The following OPCML variants were observed in gnomAD, a reference collection of about 807,000 sequenced individuals.
OPCML encodes the protein opioid-binding protein/cell adhesion molecule.
In OPCML, 13 loss-of-function variants were observed where a neutral mutation model predicts 37.8. The ratio of observed to expected loss-of-function variants is 0.34; its 90% CI spans 0.22 to 0.55. The LOEUF is 0.55. OPCML is among the 20% of genes least tolerant of loss of function. The pLI is 0.91. For synonymous variants in OPCML, 176 were observed against 168.8 expected, an observed-to-expected ratio of 1.04 and a Z score of -0.33; for missense variants, 341 against 435.6, an observed-to-expected ratio of 0.78 and a Z score of 1.93.
At chr11:133,184,065 A>G (rs2136290117) in intron 1 of OPCML, among the ~76,000 whole-genome samples, 1 of 152,292 alleles carries the variant, frequency 6.6e-6, no homozygotes, top group South Asian at 2.1e-4. Context: ...AAGGGGAGGA[A>G]GTAGGGACTC....
At chr11:133,440,225 C>T (rs912122798) in intron 1 of OPCML, among the ~76,000 whole-genome samples, 6 of 151,348 alleles carry the variant, frequency 4.0e-5, no homozygotes, top group Admixed American at 3.9e-4. Flanking sequence ...GGCGAAACCC[C>T]ATCTCTAGTT....
intron 1 of OPCML, among the ~76,000 whole-genome samples, chr11:133,478,295 T>C (rs538799673): frequency 6.6e-6 from 1 of 152,240 alleles, no homozygotes; most frequent in East Asian, 1.9e-4. Context: ...CCCCTGCCTC[T>C]CCCTCCAGCA....
At chr11:133,419,111 A>C (rs1592280841) in intron 1 of OPCML, 1 of 392,714 alleles carries the variant, frequency 2.5e-6, no homozygotes, top group South Asian at 1.1e-4. Flanking sequence ...TTGAGTAATA[A>C]CTCTACCTGC....
rs141224513 is a variant in OPCML, at chr11:132,612,006, T to A, written c.379+45081A>T. On this transcript the variant is annotated intron_variant, in intron 3 of 7. Coordinates refer to ENST00000524381, the MANE Select transcript of OPCML (RefSeq NM_001012393.5). ...AGCCAGAGAAGGGTTCTGACCTTGG[T>A]GTTTGATTATATATGCTGCCAGAAA... 2.6e-5 allele frequency among the ~76,000 whole-genome samples: 4 copies of A among 152,302 alleles called. No homozygotes were observed. In the East Asian group the frequency reaches 7.7e-4, roughly 29 times the overall value.
chr11:132,963,041 T>C (rs545529673), intron 1 of OPCML, among the ~76,000 whole-genome samples: 18 of 152,260 alleles, frequency 1.2e-4, no homozygotes, highest in Admixed American at 7.8e-4. Flanking sequence ...TGACCACCCC[T>C]GGGCTCCAAC....
chr11:132,716,392 AT>A (rs1944481069), intron 2 of OPCML, among the ~76,000 whole-genome samples: 1 of 47,038 alleles, frequency 2.1e-5, no homozygotes, highest in East Asian at 2.8e-3. Context: ...CTGTCTATTT[AT>A]CTATCTATCT....
chr11:133,172,411 G>C (rs569350243), intron 1 of OPCML, among the ~76,000 whole-genome samples: 3 of 152,330 alleles, frequency 2.0e-5, no homozygotes, highest in Admixed American at 2.0e-4. Flanking sequence ...ACTCCTACCT[G>C]AGACCTGAAG....
chr11:133,490,093 C>A (rs76946697), intron 1 of OPCML, among the ~76,000 whole-genome samples: 5,516 of 152,210 alleles, frequency 0.036, 146 homozygotes, highest in South Asian at 0.11. Context: ...AGGATATATA[C>A]CCTAAAATCA....
At chr11:133,236,123 A>G (rs1458146398) in intron 1 of OPCML, among the ~76,000 whole-genome samples, 1 of 152,208 alleles carries the variant, frequency 6.6e-6, no homozygotes, top group Non-Finnish European at 1.5e-5. Flanking sequence ...ACCATATGAC[A>G]GCATCACTAC....
At chr11:132,922,666 T>A (rs1263277513) in intron 2 of OPCML, among the ~76,000 whole-genome samples, 2 of 152,158 alleles carry the variant, frequency 1.3e-5, no homozygotes, top group Admixed American at 1.3e-4. Context: ...AGTGGAGTTT[T>A]TGGTACATTT....
At chr11:133,458,153 A>AAT (rs35359072) in intron 1 of OPCML, among the ~76,000 whole-genome samples, 18,628 of 141,924 alleles carry the variant, frequency 0.13, 1,933 homozygotes, top group Admixed American at 0.18. Flanking sequence ...CTTGAGAAAA[A>AAT]ATATATATAT....
intron 1 of OPCML, among the ~76,000 whole-genome samples, chr11:132,992,763 G>T (rs970076361): frequency 1.3e-5 from 2 of 152,184 alleles, no homozygotes; most frequent in Admixed American, 1.3e-4. Flanking sequence ...TCCCTTTGGG[G>T]TTCTATCAGA....
At chr11:132,746,607 G>T (rs548784701) in intron 2 of OPCML, among the ~76,000 whole-genome samples, 2 of 152,222 alleles carry the variant, frequency 1.3e-5, no homozygotes, top group South Asian at 4.1e-4. Context: ...GTCGGGATTA[G>T]GTTTTTCCTG....
At chr11:132,479,385 A>G (rs1021203897) in intron 4 of OPCML, among the ~76,000 whole-genome samples, 11 of 152,312 alleles carry the variant, frequency 7.2e-5, no homozygotes, top group East Asian at 1.9e-4. Flanking sequence ...TGCCCACGGA[A>G]TCTCGCTGAT....
intron 3 of OPCML, among the ~76,000 whole-genome samples, chr11:132,637,704 G>A (rs139991369): frequency 1.3e-5 from 2 of 152,054 alleles, no homozygotes; most frequent in Non-Finnish European, 2.9e-5. Flanking sequence ...ATTCCCTCAG[G>A]CATTAATTAA....
At chr11:133,108,430 T>TA (rs1157173939) in intron 1 of OPCML, among the ~76,000 whole-genome samples, 1 of 152,164 alleles carries the variant, frequency 6.6e-6, no homozygotes, top group Non-Finnish European at 1.5e-5. Context: ...TTCTTCCCAC[T>TA]AAAATTGCAA....
chr11:132,950,575 T>G (rs1360890792), intron 1 of OPCML, among the ~76,000 whole-genome samples: 2 of 152,182 alleles, frequency 1.3e-5, no homozygotes, highest in Non-Finnish European at 2.9e-5. Flanking sequence ...GATTTGAAGC[T>G]TAGCATGGAG....
rs180709151 is a variant in OPCML, at chr11:133,470,951, C to G, written c.61+61313G>C. On this transcript the variant is annotated intron_variant, in intron 1 of 7. Coordinates refer to ENST00000524381, the MANE Select transcript of OPCML (RefSeq NM_001012393.5). ...GGCAGAGAGTTGGCAAATTTTGTTC[C>G]CTGAGCTGTCCACCAAATCAACAAA... Among the ~76,000 whole-genome samples the G allele has an allele frequency of 4.0e-3, 607 of 152,256 alleles. 1 individual carries two copies. Among genetic ancestry groups the G allele is most frequent in the Non-Finnish European group, 5.0e-3 (337 of 68,010 alleles).
intron 1 of OPCML, among the ~76,000 whole-genome samples, chr11:133,512,607 C>A (rs1444834072): frequency 6.6e-6 from 1 of 152,196 alleles, no homozygotes; most frequent in Non-Finnish European, 1.5e-5. Flanking sequence ...AAGTCCCAAC[C>A]TTCCAATCAC....
Sources: gnomAD v4.1 joint callset for allele counts (sites outside exome capture counted in the v4.1 genomes callset) on GRCh38, gnomAD v4.1.1 for gene constraint, MANE v1.5 for transcripts, NCBI Gene and HGNC (gene_info 2026-07-23, HGNC 2026-07-21) for gene names.